The following RCOR1 variants were observed in gnomAD, a reference collection of about 807,000 sequenced individuals.
RCOR1 encodes REST corepressor 1.
In RCOR1, 12 loss-of-function variants were observed where a neutral mutation model predicts 64.0. The observed-to-expected ratio is 0.19, with a 90% confidence interval of 0.12 to 0.30. The LOEUF is 0.30. RCOR1 is among the 10% of genes least tolerant of loss of function. The pLI, the probability that RCOR1 is intolerant of heterozygous loss-of-function variation, is 1.00. For synonymous variants in RCOR1, 279 were observed against 227.2 expected (o/e 1.23, Z -2.05); for missense variants, 502 against 621.2 (o/e 0.81, Z 2.04).
chr14:102,622,180 C>G (rs1036612323), intron 2 of RCOR1, among the ~76,000 whole-genome samples: 12 of 88,468 alleles, frequency 1.4e-4, no homozygotes, highest in African/African-American at 3.7e-4. Flanking sequence ...ACCTCTCTTT[C>G]TTACTCTTAA....
intron 2 of RCOR1, among the ~76,000 whole-genome samples, chr14:102,619,681 A>G (rs570514776): frequency 4.7e-4 from 71 of 151,964 alleles, no homozygotes; most frequent in South Asian, 2.9e-3. Context: ...GGGTTTCACT[A>G]TGTTGGCCAG....
Position 102,592,877 on chromosome 14 carries a change from G to GC in RCOR1, c.-5dup. 1 of 1,222,462 alleles carries GC rather than the reference G, an allele frequency of 8.2e-7. No homozygotes were observed. The highest frequency in any genetic ancestry group is 1.0e-6 in the Non-Finnish European group (1 of 980,036). 75.7% of individuals were successfully genotyped at this position (1,222,462 alleles called of 1,614,324 possible). ...TCCCCGCCACTTTCGCACGGCCCCGGCCCCCGCCGATGCCGGCCATGGTGG... is the reference window on the plus strand; with the variant it reads ...TCCCCGCCACTTTCGCACGGCCCCGGCCCCCCGCCGATGCCGGCCATGGTGG... On this transcript the variant is annotated 5_prime_UTR_variant, in exon 1 of 12. Coordinates refer to ENST00000262241, the MANE Select transcript of RCOR1 (RefSeq NM_015156.4).
At chr14:102,597,628 CTTTTTTTTTT>C (rs57656879) in intron 2 of RCOR1, among the ~76,000 whole-genome samples, 5 of 44,950 alleles carry the variant, frequency 1.1e-4, no homozygotes, top group African/African-American at 4.6e-4. Flanking sequence ...TGCGCCCGAC[CTTTTTTTTTT>C]TTTTTTTTTT....
Position 102,676,163 on chromosome 14 carries a change from C to G in RCOR1, c.362-5732C>G, listed in dbSNP as rs1175450394. Among the ~76,000 whole-genome samples the G allele has an allele frequency of 4.7e-3, 705 of 151,084 alleles. 6 individuals carry two copies. Among genetic ancestry groups the G allele is most frequent in the African/African-American group, 0.017 (689 of 41,010 alleles). On this transcript the variant is annotated intron_variant, in intron 2 of 11. Coordinates refer to ENST00000262241, the MANE Select transcript of RCOR1 (RefSeq NM_015156.4). ...ATTTCTCAATTTTTTCCCCACCCTT[C>G]CCGCCTTTCTATTCCACAAAACCGC...
chr14:102,704,539 C>A (rs1274969415), intron 4 of RCOR1, among the ~76,000 whole-genome samples: 1 of 152,206 alleles, frequency 6.6e-6, no homozygotes, highest in South Asian at 2.1e-4. Flanking sequence ...TCAAACAATT[C>A]TCCTGCCTCA....
Position 102,724,064 on chromosome 14 carries a change from C to T in RCOR1, c.1419+1648C>T, listed in dbSNP as rs896262559. Among the ~76,000 whole-genome samples the T allele has an allele frequency of 2.6e-5, 4 of 151,876 alleles. No individual in the cohort carries two copies. In the East Asian group the frequency reaches 7.7e-4, roughly 29 times the overall value. On this transcript the variant is annotated intron_variant, in intron 11 of 11. Coordinates refer to ENST00000262241, the MANE Select transcript of RCOR1 (RefSeq NM_015156.4). The stretch of plus-strand genomic sequence containing the variant: ...AACCTTGTTATTAGCCCAGAAGGTT[C>T]TTCCGTAATGATCCACTTACCGTGT...
At chr14:102,656,787 T>C (rs190117963) in intron 2 of RCOR1, among the ~76,000 whole-genome samples, 296 of 151,776 alleles carry the variant, frequency 2.0e-3, no homozygotes, top group African/African-American at 6.7e-3. Context: ...CTTTTCTTTT[T>C]TTTTTTGAGA....
chr14:102,603,268 A>G (rs1057353239), intron 2 of RCOR1, among the ~76,000 whole-genome samples: 3 of 151,914 alleles, frequency 2.0e-5, no homozygotes, highest in Non-Finnish European at 4.4e-5. Context: ...AAAAGTACTA[A>G]GTGTGTTTTA....
At chr14:102,677,973 C>T (rs1477955279) in intron 2 of RCOR1, among the ~76,000 whole-genome samples, 2 of 151,544 alleles carry the variant, frequency 1.3e-5, no homozygotes, top group African/African-American at 4.8e-5. Flanking sequence ...CCGAGGCTGG[C>T]GGATCACTCG....
At chr14:102,684,062 A>T (rs930744969) in intron 3 of RCOR1, among the ~76,000 whole-genome samples, 2 of 152,224 alleles carry the variant, frequency 1.3e-5, no homozygotes, top group African/African-American at 4.8e-5. Flanking sequence ...AGCCACAGCC[A>T]TCGCAGGACC....
At chr14:102,721,739 CA>C (rs1441396842) in intron 10 of RCOR1, among the ~76,000 whole-genome samples, 1 of 152,058 alleles carries the variant, frequency 6.6e-6, no homozygotes, top group Non-Finnish European at 1.5e-5. Flanking sequence ...CCACTTCTCA[CA>C]AGTTGTAAAA....
intron 7 of RCOR1, among the ~76,000 whole-genome samples, chr14:102,713,691 A>G (rs999591990): frequency 6.6e-6 from 1 of 152,184 alleles, no homozygotes; most frequent in South Asian, 2.1e-4. Flanking sequence ...ATTGCCTACT[A>G]ATATTTTTGT....
At chr14:102,679,263 T>C (rs1338596564) in intron 2 of RCOR1, among the ~76,000 whole-genome samples, 3 of 152,216 alleles carry the variant, frequency 2.0e-5, no homozygotes, top group African/African-American at 7.2e-5. Context: ...CACTTAGTTC[T>C]GTCATCTGTT....
Position 102,715,363 on chromosome 14 carries a change from G to A in RCOR1, c.1053+746G>A, listed in dbSNP as rs571215923. On this transcript the variant is annotated intron_variant, in intron 8 of 11. Coordinates refer to ENST00000262241, the MANE Select transcript of RCOR1 (RefSeq NM_015156.4). The stretch of plus-strand genomic sequence containing the variant: ...TGGAATTACAGGCGTGAGCCACCGC[G>A]CCCGGCCCTGATTTTTTTTAATTTT... 5.4e-5 allele frequency among the ~76,000 whole-genome samples: 8 copies of A among 147,580 alleles called. No homozygotes were observed. In the South Asian group the frequency reaches 1.5e-3, roughly 28 times the overall value.
At chr14:102,676,675 C>T (rs1407096197) in intron 2 of RCOR1, among the ~76,000 whole-genome samples, 11 of 84,616 alleles carry the variant, frequency 1.3e-4, no homozygotes, top group East Asian at 4.0e-4. Context: ...GCTGGCTGGG[C>T]GGGGGGCTGA....
At chr14:102,667,935 T>C (rs1377299967) in intron 2 of RCOR1, among the ~76,000 whole-genome samples, 11 of 152,200 alleles carry the variant, frequency 7.2e-5, no homozygotes, top group Admixed American at 6.5e-4. Flanking sequence ...GAGTTGTTCT[T>C]GGCTTATATG....
intron 2 of RCOR1, among the ~76,000 whole-genome samples, chr14:102,623,929 G>A (rs1369914049): frequency 6.6e-6 from 1 of 150,772 alleles, no homozygotes; most frequent in Non-Finnish European, 1.5e-5. Flanking sequence ...CATGGTGGCG[G>A]GCACCTGTAG....
chr14:102,637,031 C>G (rs1330743133), intron 2 of RCOR1, among the ~76,000 whole-genome samples: 2 of 152,044 alleles, frequency 1.3e-5, no homozygotes, highest in African/African-American at 2.4e-5. Context: ...TACTAGCAAG[C>G]CTTTTGACAT....
intron 2 of RCOR1, among the ~76,000 whole-genome samples, chr14:102,667,164 C>T (rs1894930156): frequency 6.6e-6 from 1 of 151,894 alleles, no homozygotes; most frequent in East Asian, 1.9e-4. Flanking sequence ...CATATCACTG[C>T]ACTCCATCCT....
Sources: allele counts gnomAD v4.1 joint callset (sites outside exome capture counted in the v4.1 genomes callset), GRCh38; gene constraint gnomAD v4.1.1; transcripts MANE v1.5; gene names NCBI Gene and HGNC (gene_info 2026-07-23, HGNC 2026-07-21).